The following CDH12 variants were observed in gnomAD, a reference collection of about 807,000 sequenced individuals.
The protein encoded by CDH12 is cadherin-12.
In CDH12, 41 loss-of-function variants were observed where a neutral mutation model predicts 74.1. The observed-to-expected ratio is 0.55, with a 90% confidence interval of 0.43 to 0.72. CDH12 has a LOEUF of 0.72. Ranked by LOEUF, CDH12 falls within the 30% of genes least tolerant of loss-of-function variation. CDH12 has a pLI of 0.00. For missense variants in CDH12, 945 were observed against 977.2 expected, an observed-to-expected ratio of 0.97 and a Z score of 0.44; for synonymous variants, 399 against 355.0, an observed-to-expected ratio of 1.12 and a Z score of -1.39.
At chr5:22,332,022 T>C (rs2150446243) in intron 3 of CDH12, among the ~76,000 whole-genome samples, 1 of 152,162 alleles carries the variant, frequency 6.6e-6, no homozygotes, top group South Asian at 2.1e-4. Flanking sequence ...ATAAAATAAC[T>C]TCAAAAGGGC....
chr5:22,187,328 A>G (rs1299620006), intron 4 of CDH12, among the ~76,000 whole-genome samples: 1 of 152,170 alleles, frequency 6.6e-6, no homozygotes, highest in Non-Finnish European at 1.5e-5. Flanking sequence ...ATAAATCCCC[A>G]AGGTGGAAAA....
chr5:21,782,021 C>T (rs1745944636), intron 11 of CDH12, among the ~76,000 whole-genome samples: 2 of 152,208 alleles, frequency 1.3e-5, no homozygotes, highest in Admixed American at 6.5e-5. Context: ...CAGGATTTGA[C>T]TGGGCTAATA....
chr5:22,729,546 G>A (rs1318828730), intron 1 of CDH12, among the ~76,000 whole-genome samples: 1 of 151,812 alleles, frequency 6.6e-6, no homozygotes, highest in East Asian at 1.9e-4. Flanking sequence ...AGGAATTAAG[G>A]CATAGAATCA....
intron 5 of CDH12, among the ~76,000 whole-genome samples, chr5:21,975,625 CCAAA>C (rs1386018614): frequency 6.6e-6 from 1 of 152,110 alleles, no homozygotes; most frequent in Non-Finnish European, 1.5e-5. Flanking sequence ...ACCTATACAT[CCAAA>C]CATTCCTCCA....
chr5:22,231,516 C>A (rs1350458748), intron 3 of CDH12, among the ~76,000 whole-genome samples: 1 of 151,800 alleles, frequency 6.6e-6, no homozygotes, highest in Non-Finnish European at 1.5e-5. Context: ...AAAAAAAATG[C>A]TAGTGCCAAA....
intron 1 of CDH12, among the ~76,000 whole-genome samples, chr5:22,663,689 A>C (rs1404917745): frequency 2.0e-5 from 3 of 152,182 alleles, no homozygotes; most frequent in African/African-American, 7.2e-5. Flanking sequence ...ATGACAGTTT[A>C]TCACCCACTT....
chr5:22,817,752 C>G (rs1255503857), intron 1 of CDH12, among the ~76,000 whole-genome samples: 1 of 152,076 alleles, frequency 6.6e-6, no homozygotes, highest in Non-Finnish European at 1.5e-5. Context: ...TAGGCAAGAG[C>G]TGTTAAAAGT....
intron 5 of CDH12, among the ~76,000 whole-genome samples, chr5:21,987,738 C>T (rs1047582240): frequency 1.3e-5 from 2 of 151,020 alleles, no homozygotes; most frequent in Non-Finnish European, 2.9e-5. Flanking sequence ...TTTTTGCCAT[C>T]TAAGTATATT....
intron 1 of CDH12, among the ~76,000 whole-genome samples, chr5:22,709,738 G>A (rs1743198595): frequency 1.3e-5 from 2 of 152,182 alleles, no homozygotes; most frequent in Non-Finnish European, 2.9e-5. Context: ...ATTACTGTTG[G>A]AGTAAAGTAT....
chr5:21,880,631 CTTTCTTTCTTTCTT>C (rs1561268604), intron 6 of CDH12, among the ~76,000 whole-genome samples: 13 of 85,076 alleles, frequency 1.5e-4, no homozygotes, highest in African/African-American at 5.1e-4. Flanking sequence ...TTCTTTCTTT[CTTTCTTTCTTTCTT>C]TCTTTCTTTC....
chr5:22,118,363 A>G (rs1044817735), intron 4 of CDH12, among the ~76,000 whole-genome samples: 7 of 152,048 alleles, frequency 4.6e-5, no homozygotes, highest in Non-Finnish European at 1.0e-4. Flanking sequence ...TCAGCCTTTT[A>G]CATATCTCGG....
intron 4 of CDH12, among the ~76,000 whole-genome samples, chr5:22,187,254 G>C (rs969272657): frequency 2.0e-5 from 3 of 152,102 alleles, no homozygotes; most frequent in African/African-American, 7.2e-5. Flanking sequence ...GCTGAGGGAA[G>C]ACACTTATCA....
intron 5 of CDH12, among the ~76,000 whole-genome samples, chr5:21,994,489 C>T (rs1736153443): frequency 6.6e-6 from 1 of 152,160 alleles, no homozygotes; most frequent in Non-Finnish European, 1.5e-5. Context: ...CAATTTCCTA[C>T]TTTCTTTTCC....
chr5:22,604,035 G>T (rs1038022275), intron 1 of CDH12, among the ~76,000 whole-genome samples: 1 of 152,166 alleles, frequency 6.6e-6, no homozygotes, highest in Non-Finnish European at 1.5e-5. Flanking sequence ...GGAGGGTCTG[G>T]TCTCTCTTAG....
At chr5:21,844,244 G>C (rs973300753) in intron 7 of CDH12, among the ~76,000 whole-genome samples, 6 of 151,822 alleles carry the variant, frequency 4.0e-5, no homozygotes, top group African/African-American at 1.5e-4. Flanking sequence ...ACTATGAAAA[G>C]AATAACTTCT....
At chr5:21,819,429 CG>C (rs1430876171) in intron 8 of CDH12, among the ~76,000 whole-genome samples, 1 of 151,812 alleles carries the variant, frequency 6.6e-6, no homozygotes, top group African/African-American at 2.4e-5. Context: ...CTAAAATGCC[CG>C]TTAAATGGAA....
intron 1 of CDH12, among the ~76,000 whole-genome samples, chr5:22,722,082 C>A (rs1743927523): frequency 6.6e-6 from 1 of 152,194 alleles, no homozygotes. Context: ...TTTGGCTACA[C>A]CCTCAGGTGT....
At chr5:22,824,023 C>A (rs994825243) in intron 1 of CDH12, among the ~76,000 whole-genome samples, 10 of 152,168 alleles carry the variant, frequency 6.6e-5, no homozygotes, top group African/African-American at 2.4e-4. Context: ...CAAATAAATT[C>A]ATATAATAAT....
At chr5:22,602,849 C>T (rs531078641) in intron 1 of CDH12, among the ~76,000 whole-genome samples, 31 of 152,204 alleles carry the variant, frequency 2.0e-4, no homozygotes, top group African/African-American at 6.5e-4. Flanking sequence ...TATTTGAATG[C>T]TGTGCCAACA....
Sources: allele counts gnomAD v4.1 joint callset (sites outside exome capture counted in the v4.1 genomes callset), GRCh38; gene constraint gnomAD v4.1.1; transcripts MANE v1.5; gene names NCBI Gene and HGNC (gene_info 2026-07-23, HGNC 2026-07-21).